SPAG16: variants seen among roughly 807,000 people sequenced by gnomAD.
The protein encoded by SPAG16 is sperm-associated antigen 16 protein.
A neutral mutation model predicts 80.4 loss-of-function variants in SPAG16; 86 were observed. The observed-to-expected ratio is 1.07, with a 90% confidence interval of 0.90 to 1.28. SPAG16 has a LOEUF of 1.28. SPAG16 is among the 50% of genes most tolerant of loss of function. SPAG16 has a pLI of 0.00. For missense variants in SPAG16, 870 were observed against 765.3 expected, an observed-to-expected ratio of 1.14 and a Z score of -1.61; for synonymous variants, 294 against 265.9, an observed-to-expected ratio of 1.11 and a Z score of -1.03.
At chr2:213,719,757 A>G (rs190422440) in intron 10 of SPAG16, among the ~76,000 whole-genome samples, 48 of 152,350 alleles carry the variant, frequency 3.2e-4, no homozygotes, top group South Asian at 8.3e-4. Context: ...AATTAGTTCA[A>G]TGATTGTGGA....
At position 214,168,156 on chromosome 2, in the gene SPAG16, A is replaced by T. The variant is rs549179624; in HGVS notation, c.1720+18890A>T. Among the ~76,000 whole-genome samples the T allele has an allele frequency of 2.0e-5, 3 of 151,458 alleles. No individual in the cohort carries two copies. The South Asian group carries it at 6.3e-4, about 32-fold the overall frequency. On this transcript the variant is annotated intron_variant, in intron 15 of 15. Coordinates refer to ENST00000331683, the MANE Select transcript of SPAG16 (RefSeq NM_024532.5). ...AGGCATGCACCACCACACCCAGCTAATTTTTGTATTTTTTTTGTAGAGATG... is the reference window on the plus strand; with the variant it reads ...AGGCATGCACCACCACACCCAGCTATTTTTTGTATTTTTTTTGTAGAGATG...
At chr2:213,772,052 T>C (rs2125554572) in intron 10 of SPAG16, among the ~76,000 whole-genome samples, 1 of 152,356 alleles carries the variant, frequency 6.6e-6, no homozygotes, top group South Asian at 2.1e-4. Flanking sequence ...CTTTGGCCAT[T>C]TTCAAAACAT....
At chr2:214,371,456 C>T (rs1250714273) in intron 15 of SPAG16, among the ~76,000 whole-genome samples, 2 of 146,304 alleles carry the variant, frequency 1.4e-5, no homozygotes, top group Non-Finnish European at 3.0e-5. Flanking sequence ...CACTTGAACC[C>T]GGGAGGCAGA....
intron 15 of SPAG16, among the ~76,000 whole-genome samples, chr2:214,312,096 T>A (rs1156349672): frequency 6.6e-6 from 1 of 152,194 alleles, no homozygotes; most frequent in Non-Finnish European, 1.5e-5. Flanking sequence ...GAAAAAATAT[T>A]TTACATGGGT....
intron 10 of SPAG16, among the ~76,000 whole-genome samples, chr2:213,702,888 G>T (rs928393766): frequency 4.6e-5 from 7 of 152,158 alleles, no homozygotes; most frequent in Admixed American, 2.0e-4. Context: ...CTAGCACTCA[G>T]ACCCAAGGAG....
chr2:213,601,547 G>T (rs1454866014), intron 10 of SPAG16, among the ~76,000 whole-genome samples: 7 of 151,658 alleles, frequency 4.6e-5, no homozygotes, highest in African/African-American at 1.7e-4. Context: ...CAACATGAAT[G>T]GTTCCCATTA....
intron 15 of SPAG16, among the ~76,000 whole-genome samples, chr2:214,288,073 C>T (rs1693495568): frequency 6.6e-6 from 1 of 152,104 alleles, no homozygotes; most frequent in Non-Finnish European, 1.5e-5. Flanking sequence ...TTACCGCCCC[C>T]CCCAATCCCA....
rs370785994 is a variant in SPAG16 at position 213,823,899 on chromosome 2, C to A, written c.1071-38586C>A. On this transcript the variant is annotated intron_variant, in intron 10 of 15. Coordinates refer to ENST00000331683, the MANE Select transcript of SPAG16 (RefSeq NM_024532.5). ...TCTAATGATAGTTTCTTTTGCTGTG[C>A]AGAAGCTCTTTTGTTTAATTAGATC... is the stretch of plus-strand genomic sequence containing the variant. 6.6e-5 allele frequency among the ~76,000 whole-genome samples: 10 copies of A among 152,246 alleles called. No individual in the cohort carries two copies. In the South Asian group the frequency reaches 1.4e-3, roughly 22 times the overall value.
At chr2:213,661,560 G>A (rs962212263) in intron 10 of SPAG16, among the ~76,000 whole-genome samples, 3 of 152,112 alleles carry the variant, frequency 2.0e-5, no homozygotes, top group Admixed American at 6.6e-5. Context: ...ATGGGCTTCA[G>A]CATGTGAAAG....
At chr2:214,085,378 C>CAAAA (rs5838406) in intron 13 of SPAG16, among the ~76,000 whole-genome samples, 3 of 120,202 alleles carry the variant, frequency 2.5e-5, no homozygotes, top group Admixed American at 8.6e-5. Context: ...GATTCCACCT[C>CAAAA]AAAAAAAAAA....
At chr2:214,352,613 TC>T (rs1698499940) in intron 15 of SPAG16, among the ~76,000 whole-genome samples, 1 of 107,238 alleles carries the variant, frequency 9.3e-6, no homozygotes, top group African/African-American at 2.9e-5. Flanking sequence ...TTTCATCTCT[TC>T]TCTTCCCTGG....
At chr2:214,280,658 G>C in intron 15 of SPAG16, 1 of 299,130 alleles carries the variant, frequency 3.3e-6, no homozygotes. Context: ...GCCTGCCCCT[G>C]AGCTGTGAGG....
chr2:213,531,840 G>A (rs2076079634), intron 10 of SPAG16, among the ~76,000 whole-genome samples: 1 of 152,154 alleles, frequency 6.6e-6, no homozygotes, highest in African/African-American at 2.4e-5. Flanking sequence ...TGAATTGGAA[G>A]TCATGATCTA....
intron 12 of SPAG16, among the ~76,000 whole-genome samples, chr2:213,975,784 T>G (rs1344557297): frequency 6.6e-6 from 1 of 151,992 alleles, no homozygotes; most frequent in Non-Finnish European, 1.5e-5. Flanking sequence ...ACACTGTGTT[T>G]ATCAATTGCT....
At chr2:213,756,290 GGCC>G (rs2068326634) in intron 10 of SPAG16, among the ~76,000 whole-genome samples, 1 of 152,096 alleles carries the variant, frequency 6.6e-6, no homozygotes, top group Non-Finnish European at 1.5e-5. Context: ...AGACCAGCCT[GGCC>G]AACGTGGTAA....
intron 10 of SPAG16, among the ~76,000 whole-genome samples, chr2:213,801,187 T>G (rs760118800): frequency 1.3e-5 from 2 of 152,202 alleles, no homozygotes; most frequent in Non-Finnish European, 2.9e-5. Context: ...AATAATAAAC[T>G]ATTAAATAGA....
intron 13 of SPAG16, among the ~76,000 whole-genome samples, chr2:214,105,931 C>A (rs889370890): frequency 1.7e-4 from 26 of 152,024 alleles, no homozygotes; most frequent in Admixed American, 6.6e-5. Flanking sequence ...GTTATAGCAG[C>A]ACAAATGTGG....
intron 13 of SPAG16, among the ~76,000 whole-genome samples, chr2:214,085,683 C>G (rs188935600): frequency 6.6e-6 from 1 of 152,246 alleles, no homozygotes; most frequent in East Asian, 1.9e-4. Context: ...TTTGAACATC[C>G]AGACTACAAA....
intron 13 of SPAG16, among the ~76,000 whole-genome samples, chr2:214,036,719 G>C (rs564823795): frequency 6.6e-6 from 1 of 152,204 alleles, no homozygotes; most frequent in African/African-American, 2.4e-5. Flanking sequence ...AGAAAGTAGG[G>C]TCAGTGTTAC....
Sources: allele counts gnomAD v4.1 joint callset (sites outside exome capture counted in the v4.1 genomes callset), GRCh38; gene constraint gnomAD v4.1.1; transcripts MANE v1.5; gene names NCBI Gene and HGNC (gene_info 2026-07-23, HGNC 2026-07-21).